Variants in TRPM3 observed in about 807,000 individuals in gnomAD.
TRPM3 encodes long transient receptor potential channel 3.
A neutral mutation model predicts 181.2 loss-of-function variants in TRPM3; 77 were observed. The observed-to-expected ratio is 0.42, with a 90% confidence interval of 0.35 to 0.51. The LOEUF (loss-of-function observed/expected upper bound fraction) is 0.51. TRPM3 is among the 20% of genes least tolerant of loss of function. TRPM3 has a pLI of 0.01. For missense variants in TRPM3, 1,759 were observed against 2,196.7 expected, an observed-to-expected ratio of 0.80 and a Z score of 3.98; for synonymous variants, 745 against 796.4, an observed-to-expected ratio of 0.94 and a Z score of 1.09.
At chr9:70,804,042 C>T (rs2090027010) in intron 6 of TRPM3, among the ~76,000 whole-genome samples, 1 of 151,990 alleles carries the variant, frequency 6.6e-6, no homozygotes, top group African/African-American at 2.4e-5. Flanking sequence ...TCAAAATGTA[C>T]TGTTCTGGCC....
In TRPM3 at chr9:70,549,657, C is replaced by G; in HGVS notation, c.3592G>C (p.Asp1198His). The change falls in exon 25 of 26, where the codon GAT becomes CAT. Residue 1198 changes from aspartate to histidine, a missense_variant. Asp to His is a moderately conservative substitution (Grantham distance 81). This residue lies in a region of TRPM3 where 96 missense variants were observed against 129.6 expected (regional missense o/e 0.74). Transcript: ENST00000677713. ...AAGTCATGTACTTTCTTGAGCTCAT[C>G]ATCGGTTATGAAGAGTTCTGTGGAA... Reference protein sequence around the residue: ...DYGLKLFITDDELKKVHDFEE... With the variant: ...DYGLKLFITDHELKKVHDFEE... The G allele has an allele frequency of 1.9e-6, 3 of 1,605,990 alleles. No individual in the cohort carries two copies. The highest frequency in any genetic ancestry group is 1.1e-5 in the South Asian group (1 of 90,460).
intron 6 of TRPM3, among the ~76,000 whole-genome samples, chr9:70,817,244 A>C (rs951886517): frequency 6.6e-6 from 1 of 152,210 alleles, no homozygotes; most frequent in African/African-American, 2.4e-5. Context: ...TGTGAGCTAA[A>C]ATGGTGTGTG....
At chr9:70,877,051 C>T (rs1276864146) in intron 1 of TRPM3, among the ~76,000 whole-genome samples, 1 of 152,006 alleles carries the variant, frequency 6.6e-6, no homozygotes, top group East Asian at 1.9e-4. Context: ...TTACCAAATG[C>T]ATAATATCAG....
intron 22 of TRPM3, among the ~76,000 whole-genome samples, chr9:70,577,066 T>C (rs891616758): frequency 6.6e-6 from 1 of 152,232 alleles, no homozygotes; most frequent in Non-Finnish European, 1.5e-5. Context: ...TTGATCCTGC[T>C]AGTTGGACTT....
At chr9:71,328,630 T>A (rs1018055643) in intron 1 of TRPM3, among the ~76,000 whole-genome samples, 2 of 152,218 alleles carry the variant, frequency 1.3e-5, no homozygotes, top group African/African-American at 4.8e-5. Flanking sequence ...CCTAGCCACA[T>A]AGCATAAGAC....
At chr9:70,947,591 A>G (rs959348477) in intron 1 of TRPM3, among the ~76,000 whole-genome samples, 1 of 152,188 alleles carries the variant, frequency 6.6e-6, no homozygotes, top group South Asian at 2.1e-4. Flanking sequence ...TCAAAGTGGA[A>G]TTAAAAATTA....
intron 22 of TRPM3, among the ~76,000 whole-genome samples, chr9:70,575,678 A>G (rs1329666855): frequency 6.6e-6 from 1 of 152,228 alleles, no homozygotes; most frequent in Non-Finnish European, 1.5e-5. Flanking sequence ...GAGGAACACC[A>G]AGGACAACCT....
At chr9:70,761,549 G>C in intron 8 of TRPM3, 52 bp downstream of exon 8, 1 of 1,613,266 alleles carries the variant, frequency 6.2e-7, no homozygotes, top group Non-Finnish European at 8.5e-7. Flanking sequence ...TGTGATTCAA[G>C]AAAATGACTG....
chr9:70,689,214 C>T (rs1364544848), intron 8 of TRPM3, among the ~76,000 whole-genome samples: 1 of 152,056 alleles, frequency 6.6e-6, no homozygotes, highest in Non-Finnish European at 1.5e-5. Context: ...TGGGCTGCCT[C>T]AGGTTAGGCA....
intron 1 of TRPM3, among the ~76,000 whole-genome samples, chr9:71,236,006 G>A (rs141344357): frequency 6.6e-6 from 1 of 152,360 alleles, no homozygotes. Flanking sequence ...TTGTGGGCCT[G>A]TAGAATAATT....
chr9:70,685,339 C>A (rs10868873), intron 8 of TRPM3, among the ~76,000 whole-genome samples: 55,234 of 151,942 alleles, frequency 0.36, 10,303 homozygotes, highest in East Asian at 0.46. Context: ...ATTCCTCTCT[C>A]TGTTTCACTA....
intron 1 of TRPM3, among the ~76,000 whole-genome samples, chr9:71,071,446 G>A (rs2062755653): frequency 1.3e-5 from 2 of 152,278 alleles, no homozygotes; most frequent in African/African-American, 2.4e-5. Context: ...AAGAATGCCT[G>A]GGGCCATAAA....
chr9:70,815,504 T>A (rs1395331525), intron 6 of TRPM3, among the ~76,000 whole-genome samples: 4 of 152,200 alleles, frequency 2.6e-5, no homozygotes, highest in Non-Finnish European at 5.9e-5. Flanking sequence ...TATATATACA[T>A]AATGACACTC....
At position 70,761,700 on chromosome 9, in the gene TRPM3, G is replaced by T; in HGVS notation, c.1173C>A (p.Asp391Glu). The T allele has an allele frequency of 1.9e-6, 3 of 1,612,500 alleles. No individual in the cohort carries two copies. Among genetic ancestry groups the T allele is most frequent in the Non-Finnish European group, 8.5e-7 (1 of 1,178,868 alleles). ...TCTTCTGTATAGTCACCAACAGCTG[G>T]TCCCTCAAAGATTCATTTATCAGTC... Reference protein sequence around the residue: ...EGGLINESLRDQLLVTIQKTF... With the variant: ...EGGLINESLREQLLVTIQKTF... Residue 391 changes from aspartate to glutamate, a missense_variant, in exon 8 of 26, where the codon GAC (aspartate) becomes GAA (glutamate). Transcript: ENST00000677713.
chr9:70,782,362 C>T (rs1284191335), intron 7 of TRPM3, among the ~76,000 whole-genome samples: 2 of 152,088 alleles, frequency 1.3e-5, no homozygotes, highest in African/African-American at 4.8e-5. Context: ...CAGGCACATG[C>T]CACCACACCT....
At chr9:71,420,838 A>AGG (rs2093741032) in intron 1 of TRPM3, among the ~76,000 whole-genome samples, 2 of 572 alleles carry the variant, frequency 3.5e-3, no homozygotes, top group Admixed American at 5.3e-3. Context: ...GGAAAGAAAG[A>AGG]GAGAGGAAGA....
chr9:70,584,251 CTTGCAGGAAGACA>C (rs2056642686), intron 22 of TRPM3, among the ~76,000 whole-genome samples: 1 of 152,150 alleles, frequency 6.6e-6, no homozygotes, highest in Non-Finnish European at 1.5e-5. Context: ...TAAAATCCAT[CTTGCAGGAAGACA>C]CCACCTCTCT....
At chr9:71,441,907 A>G (rs1296364563) in intron 1 of TRPM3, among the ~76,000 whole-genome samples, 1 of 152,182 alleles carries the variant, frequency 6.6e-6, no homozygotes, top group Non-Finnish European at 1.5e-5. Flanking sequence ...CTGGGATTAC[A>G]GGCATGAGCC....
At chr9:71,342,421 T>A (rs1478444018) in intron 1 of TRPM3, among the ~76,000 whole-genome samples, 1 of 151,460 alleles carries the variant, frequency 6.6e-6, no homozygotes, top group Admixed American at 6.6e-5. Context: ...TGATATTATA[T>A]GATAAATATG....
Sources: gnomAD v4.1 joint callset for allele counts (sites outside exome capture counted in the v4.1 genomes callset) on GRCh38, gnomAD v4.1.1 for gene constraint, gnomAD v4.1.1 regional missense constraint, MANE v1.5 for transcripts, NCBI Gene and HGNC (gene_info 2026-07-23, HGNC 2026-07-21) for gene names.